The following MTDH variants were observed in gnomAD, a reference collection of about 807,000 sequenced individuals.
MTDH encodes the protein metadherin.
MTDH carries 34 observed loss-of-function variants against 72.7 expected under a neutral mutation model. The ratio of observed to expected loss-of-function variants is 0.47; its 90% CI spans 0.36 to 0.62. The LOEUF (loss-of-function observed/expected upper bound fraction) is 0.62. MTDH is among the 20% of genes least tolerant of loss of function. MTDH has a pLI of 0.00. For missense variants in MTDH, 677 were observed against 699.4 expected, an observed-to-expected ratio of 0.97 and a Z score of 0.36; for synonymous variants, 266 against 268.9, an observed-to-expected ratio of 0.99 and a Z score of 0.10.
At chr8:97,671,257 G>A (rs1366111356) in intron 2 of MTDH, among the ~76,000 whole-genome samples, 1 of 152,092 alleles carries the variant, frequency 6.6e-6, no homozygotes, top group Non-Finnish European at 1.5e-5. Context: ...ATGAGCCATA[G>A]CACCCGGTGG....
In MTDH at chr8:97,729,832, A is replaced by G. The variant is rs1442618575; in HGVS notation, c.*5162A>G. ...TAGAAGAAATTTCTGCCACTCAGTGACTGCTTTAAATTCTAGAGACAGAGG... is the reference window on the plus strand; with the variant it reads ...TAGAAGAAATTTCTGCCACTCAGTGGCTGCTTTAAATTCTAGAGACAGAGG... On this transcript the variant is annotated 3_prime_UTR_variant, in exon 12 of 12. Transcript: ENST00000336273. 6.6e-6 allele frequency among the ~76,000 whole-genome samples: 1 copy of G among 152,130 alleles called. No homozygotes were observed. Among genetic ancestry groups the G allele is most frequent in the African/African-American group, 2.4e-5 (1 of 41,432 alleles).
Position 97,644,588 on chromosome 8 carries a change from G to A in MTDH, c.82G>A (p.Gly28Ser), listed in dbSNP as rs755825363. The A allele has an allele frequency of 1.2e-5, 20 of 1,608,302 alleles. No homozygotes were observed. Among genetic ancestry groups the A allele is most frequent in the Non-Finnish European group, 1.7e-5 (20 of 1,179,132 alleles). ...SARLREMLSV[G>S]LGFLRTELGL... The stretch of plus-strand genomic sequence containing the variant: ...CCGGCTGCGGGAAATGCTCTCGGTC[G>A]GCCTAGGCTTTCTGCGCACCGAGCT... Residue 28 changes from glycine (G) to serine (S), a missense_variant, in exon 1 of 12, where the codon GGC becomes AGC. Gly to Ser is a moderately conservative substitution (Grantham distance 56, BLOSUM62 0). Around this residue, in one of 3 missense-constraint regions of MTDH, gnomAD observed 467 missense variants for 469.1 expected, o/e 1.00. Transcript: ENST00000336273.
intron 2 of MTDH, among the ~76,000 whole-genome samples, chr8:97,673,958 G>C (rs900979873): frequency 6.6e-6 from 1 of 152,054 alleles, no homozygotes; most frequent in Non-Finnish European, 1.5e-5. Context: ...CTGGTCAACA[G>C]AGCGAAACCC....
intron 2 of MTDH, among the ~76,000 whole-genome samples, chr8:97,679,049 A>T (rs1812966891): frequency 6.6e-6 from 1 of 152,180 alleles, no homozygotes; most frequent in Non-Finnish European, 1.5e-5. Flanking sequence ...AAAATAGCCT[A>T]ACAGCCCAGA....
chr8:97,648,218 A>G (rs1346129970), intron 1 of MTDH, among the ~76,000 whole-genome samples: 1 of 152,000 alleles, frequency 6.6e-6, no homozygotes, highest in African/African-American at 2.4e-5. Context: ...ATTAAAAGTG[A>G]GGGGGGCCAC....
chr8:97,661,238 C>G (rs1812163344), intron 2 of MTDH, 65 bp downstream of exon 2: 3 of 1,208,476 alleles, frequency 2.5e-6, no homozygotes, highest in African/African-American at 1.5e-5. Context: ...AAGGATAATG[C>G]TTTTCTGTTT....
At chr8:97,662,464 C>G (rs1812211138) in intron 2 of MTDH, among the ~76,000 whole-genome samples, 1 of 151,656 alleles carries the variant, frequency 6.6e-6, no homozygotes, top group Non-Finnish European at 1.5e-5. Context: ...AGTGCAGCAG[C>G]TCTAGCTTCT....
At chr8:97,649,409 G>A (rs1455019465) in intron 1 of MTDH, among the ~76,000 whole-genome samples, 4 of 152,100 alleles carry the variant, frequency 2.6e-5, no homozygotes, top group African/African-American at 9.7e-5. Flanking sequence ...CCCTGATCAT[G>A]TGACTTTGAT....
intron 6 of MTDH, among the ~76,000 whole-genome samples, chr8:97,691,968 C>T (rs895855753): frequency 6.6e-6 from 1 of 152,158 alleles, no homozygotes; most frequent in Non-Finnish European, 1.5e-5. Flanking sequence ...CAACCTCCAC[C>T]TCCCGGGTTC....
At chr8:97,671,419 A>G (rs1363188434) in intron 2 of MTDH, among the ~76,000 whole-genome samples, 1 of 152,250 alleles carries the variant, frequency 6.6e-6, no homozygotes, top group East Asian at 1.9e-4. Flanking sequence ...TTTGCAGAAT[A>G]TAAAATCTGC....
chr8:97,677,047 A>G (rs1812879438), intron 2 of MTDH, among the ~76,000 whole-genome samples: 1 of 142,448 alleles, frequency 7.0e-6, no homozygotes, highest in Non-Finnish European at 1.5e-5. Flanking sequence ...GCCAGGCATG[A>G]TGACGCATGC....
intron 1 of MTDH, among the ~76,000 whole-genome samples, chr8:97,660,722 C>G (rs1812141231): frequency 6.6e-6 from 1 of 152,032 alleles, no homozygotes; most frequent in Admixed American, 6.6e-5. Flanking sequence ...GGCTCGGAGA[C>G]AATGAGTGAA....
chr8:97,673,842 G>C (rs1812732203), intron 2 of MTDH, among the ~76,000 whole-genome samples: 1 of 151,816 alleles, frequency 6.6e-6, no homozygotes, highest in African/African-American at 2.4e-5. Context: ...AGGCATGGTG[G>C]TGCATGCTTG....
chr8:97,687,171 TATATATCACTTTTTCTAA>T (rs1813399768), intron 3 of MTDH, among the ~76,000 whole-genome samples: 1 of 152,166 alleles, frequency 6.6e-6, no homozygotes, highest in Non-Finnish European at 1.5e-5. Flanking sequence ...AGATGACTTA[TATATATCACTTTTTCTAA>T]ACCATAGATG....
Position 97,690,910 on chromosome 8 carries a change from G to A in MTDH, c.812-42G>A, listed in dbSNP as rs762894971. The A allele has an allele frequency of 4.3e-6, 6 of 1,403,264 alleles. No homozygotes were observed. The African/African-American group carries it at 4.3e-5, about 10-fold the overall frequency. 86.9% of individuals were successfully genotyped at this position (1,403,264 alleles called of 1,614,324 possible). A position where few individuals can be genotyped will look rare whatever the true frequency, so the allele number is the denominator to read the frequency against. ...TGTGAAAATATCCCAGTTTTAAGAAGTCATGTACCTGTTTTTTAATATTCA... is the reference window on the plus strand; with the variant it reads ...TGTGAAAATATCCCAGTTTTAAGAAATCATGTACCTGTTTTTTAATATTCA... On this transcript the variant is annotated intron_variant, in intron 5 of 11. Coordinates refer to ENST00000336273, the MANE Select transcript of MTDH (RefSeq NM_178812.4).
chr8:97,701,384 G>A (rs1409208700), intron 7 of MTDH, among the ~76,000 whole-genome samples: 1 of 152,010 alleles, frequency 6.6e-6, no homozygotes. Context: ...AGTGTAAATA[G>A]TTGTTATACT....
chr8:97,651,503 C>G (rs965948477), intron 1 of MTDH, among the ~76,000 whole-genome samples: 1 of 152,134 alleles, frequency 6.6e-6, no homozygotes, highest in African/African-American at 2.4e-5. Flanking sequence ...GTGATGAGAG[C>G]TGAAATAAGA....
In MTDH at chr8:97,727,070, C is replaced by T. The variant is rs1192676381; in HGVS notation, c.*2400C>T. On this transcript the variant is annotated 3_prime_UTR_variant, in exon 12 of 12. Transcript: ENST00000336273. The stretch of plus-strand genomic sequence containing the variant: ...CAGCCTGGGCAACAGAAGGAGACTC[C>T]GTCTCAAAAAAAAAAAAAAGATGGC... 4.8e-5 allele frequency: 7 copies of T among 144,634 alleles called. No individual in the cohort carries two copies. Among genetic ancestry groups the T allele is most frequent in the Non-Finnish European group, 9.1e-5 (6 of 66,284 alleles). 9.0% of individuals were successfully genotyped at this position (144,634 alleles called of 1,614,324 possible).
chr8:97,702,753 C>A (rs1417114893), intron 7 of MTDH, among the ~76,000 whole-genome samples: 5 of 152,082 alleles, frequency 3.3e-5, no homozygotes, highest in African/African-American at 4.8e-5. Flanking sequence ...GAGACAAATT[C>A]TTTACCCTTT....
Sources: allele counts gnomAD v4.1 joint callset (sites outside exome capture counted in the v4.1 genomes callset), GRCh38; gene constraint gnomAD v4.1.1; regional missense constraint gnomAD v4.1.1; transcripts MANE v1.5; gene names NCBI Gene and HGNC (gene_info 2026-07-23, HGNC 2026-07-21).